The following FIBCD1 variants were observed in gnomAD, a reference collection of about 807,000 sequenced individuals.
FIBCD1 encodes fibrinogen C domain containing 1, also known as fibrinogen C domain-containing protein 1.
FIBCD1 carries 47 observed loss-of-function variants against 45.1 expected under a neutral mutation model. That is an observed-to-expected ratio of 1.04 (90% CI 0.82 to 1.33). The LOEUF is 1.33. Ranked by LOEUF, FIBCD1 falls within the 40% of genes most tolerant of loss-of-function variation. The pLI is 0.00. For synonymous variants in FIBCD1, 313 were observed against 308.1 expected (o/e 1.02, Z -0.17); for missense variants, 653 against 682.2 (o/e 0.96, Z 0.48).
At chr9:130,917,749 C>T (rs962770039) in intron 4 of FIBCD1, among the ~76,000 whole-genome samples, 3 of 152,170 alleles carry the variant, frequency 2.0e-5, no homozygotes, top group African/African-American at 7.2e-5. Flanking sequence ...CCACGGCCTT[C>T]CCCGCCACAG....
In FIBCD1 at chr9:130,929,619, G is replaced by A. The variant is rs760819941; in HGVS notation, c.500C>T (p.Thr167Met). 1.8e-5 allele frequency: 28 copies of A among 1,534,872 alleles called. No individual in the cohort carries two copies. Among genetic ancestry groups the A allele is most frequent in the African/African-American group, 5.5e-5 (4 of 72,268 alleles). Residue 167 changes from threonine to methionine, a missense_variant, in exon 2 of 7, where the codon ACG (threonine) becomes ATG (methionine). By Grantham distance (81) the Thr-to-Met change is moderately conservative. Coordinates refer to ENST00000372338, the MANE Select transcript of FIBCD1 (RefSeq NM_032843.5). ...ECMGLRKGHG[T>M]LGQGLSALQS... ...CAGGGCGCTGAGGCCCTGGCCCAGC[G>A]TGCCATGCCCCTTCCGCAGCCCCAT...
At position 130,924,208 on chromosome 9, in the gene FIBCD1, C is replaced by T. The variant is rs373628932; in HGVS notation, c.712+29G>A. The T allele has an allele frequency of 4.4e-4, 680 of 1,536,120 alleles. 7 individuals are homozygous for T. The Middle Eastern group carries it at 9.0e-3, about 20-fold the overall frequency. On this transcript the variant is annotated intron_variant, in intron 3 of 6. Coordinates refer to ENST00000372338, the MANE Select transcript of FIBCD1 (RefSeq NM_032843.5). The stretch of plus-strand genomic sequence containing the variant: ...TCCCCAGAGCTGGGACCCGAGGCAC[C>T]GGAGGAAGGCAGGCCCTGCCCCACT...
chr9:130,938,387 A>G, intron 1 of FIBCD1, 149 bp downstream of exon 1: 1 of 577,156 alleles, frequency 1.7e-6, no homozygotes, highest in South Asian at 3.0e-5. Context: ...GGAGGAGGAG[A>G]GGAGGGTCCC....
At chr9:130,904,386 G>A in intron 6 of FIBCD1, 63 bp from the exon 7 acceptor site, 5 of 1,535,194 alleles carry the variant, frequency 3.3e-6, no homozygotes, top group Non-Finnish European at 4.4e-6. Flanking sequence ...GGTGTTGCAT[G>A]TGTGAGCAGA....
chr9:130,931,868 C>G (rs1056872938), intron 1 of FIBCD1, among the ~76,000 whole-genome samples: 4 of 152,278 alleles, frequency 2.6e-5, no homozygotes, highest in Admixed American at 6.5e-5. Context: ...ACCTTTTCAA[C>G]TTTCCGAATT....
At chr9:130,938,208 T>C (rs1032983099) in intron 1 of FIBCD1, 5 of 265,462 alleles carry the variant, frequency 1.9e-5, no homozygotes, top group Non-Finnish European at 3.6e-5. Flanking sequence ...GCAACGGGGC[T>C]GATTTGTCTG....
intron 1 of FIBCD1, among the ~76,000 whole-genome samples, chr9:130,932,771 G>A (rs1417411086): frequency 1.3e-5 from 2 of 152,194 alleles, no homozygotes; most frequent in Non-Finnish European, 2.9e-5. Flanking sequence ...CTCTGTGCCA[G>A]GGCCGCTAAC....
chr9:130,936,847 G>C (rs1229870312), intron 1 of FIBCD1, among the ~76,000 whole-genome samples: 2 of 152,186 alleles, frequency 1.3e-5, no homozygotes, highest in African/African-American at 4.8e-5. Context: ...AGGCAGCTGA[G>C]TGGCACAGGC....
rs1447337981 is a variant in FIBCD1, at chr9:130,924,316, C to G, written c.633G>C (p.Arg211=). The G allele has an allele frequency of 6.2e-7, 1 of 1,606,496 alleles. No individual in the cohort carries two copies. The highest frequency in any genetic ancestry group is 1.1e-5 in the South Asian group (1 of 89,272). ...SDILDALQRD[R]GLGRPRNKAD... Reference sequence around the variant, plus strand: ...CCTTGTTGCGGGGCCGGCCCAGCCCCCGGTCCCTCTGCAGGGCATCCAGGA... The same window carrying G: ...CCTTGTTGCGGGGCCGGCCCAGCCCGCGGTCCCTCTGCAGGGCATCCAGGA... Residue 211 remains arginine, a synonymous_variant, in exon 3 of 7, where the codon CGG becomes CGC. Transcript: ENST00000372338.
intron 4 of FIBCD1, among the ~76,000 whole-genome samples, chr9:130,921,053 G>A (rs1171368147): frequency 1.3e-5 from 2 of 152,202 alleles, no homozygotes; most frequent in African/African-American, 4.8e-5. Context: ...AAGGGCGCTG[G>A]CGTGATGCCG....
chr9:130,906,472 C>G (rs1200822340), intron 5 of FIBCD1, among the ~76,000 whole-genome samples: 2 of 152,184 alleles, frequency 1.3e-5, no homozygotes, highest in Admixed American at 6.5e-5. Context: ...TCACCAGGTC[C>G]AGGGACCAGG....
chr9:130,910,717 G>A (rs1052911582), intron 5 of FIBCD1, among the ~76,000 whole-genome samples: 1 of 152,216 alleles, frequency 6.6e-6, no homozygotes, highest in East Asian at 1.9e-4. Context: ...CAGGGTTTGT[G>A]AGTGCACCAA....
At chr9:130,906,941 T>C (rs1831939422) in intron 5 of FIBCD1, among the ~76,000 whole-genome samples, 1 of 152,118 alleles carries the variant, frequency 6.6e-6, no homozygotes, top group African/African-American at 2.4e-5. Context: ...TATTACTACC[T>C]ATTTTATAGG....
chr9:130,907,585 AAC>A (rs1831951470), intron 5 of FIBCD1, among the ~76,000 whole-genome samples: 3 of 152,228 alleles, frequency 2.0e-5, no homozygotes, highest in South Asian at 4.1e-4. Flanking sequence ...TAAAGCTGTC[AAC>A]CTAAAACAAC....
intron 1 of FIBCD1, among the ~76,000 whole-genome samples, chr9:130,936,972 GGTGT>G (rs10585045): frequency 1.1e-4 from 16 of 150,046 alleles, no homozygotes; most frequent in Non-Finnish European, 1.6e-4. Context: ...TGAGTGAAGG[GGTGT>G]GTGTGTGTGT....
chr9:130,940,287 C>G (rs1832601371), upstream of FIBCD1, among the ~76,000 whole-genome samples: 1 of 152,272 alleles, frequency 6.6e-6, no homozygotes, highest in Non-Finnish European at 1.5e-5. Context: ...CCGCCAGGCG[C>G]TGGGTTCACA....
At chr9:130,911,306 C>T (rs551903431) in intron 5 of FIBCD1, among the ~76,000 whole-genome samples, 2 of 124,424 alleles carry the variant, frequency 1.6e-5, no homozygotes, top group Admixed American at 1.6e-4. Flanking sequence ...CGAGGGTCTG[C>T]AGCTTCATTC....
At chr9:130,936,080 G>A (rs7848151) in intron 1 of FIBCD1, 7,003 of 152,286 alleles carry the variant, frequency 0.046, 368 homozygotes, top group African/African-American at 0.13. Context: ...ACAGTGCTTT[G>A]CAGTTTGCAA....
chr9:130,909,903 C>T (rs916942783), intron 5 of FIBCD1, among the ~76,000 whole-genome samples: 8 of 152,230 alleles, frequency 5.3e-5, no homozygotes, highest in Non-Finnish European at 1.0e-4. Flanking sequence ...GGAAGGCGTG[C>T]GGTTGCCTCC....
Sources: gnomAD v4.1 joint callset for allele counts (sites outside exome capture counted in the v4.1 genomes callset) on GRCh38, gnomAD v4.1.1 for gene constraint, MANE v1.5 for transcripts, NCBI Gene and HGNC (gene_info 2026-07-23, HGNC 2026-07-21) for gene names.